Variants in RAD51B observed in about 807,000 individuals in gnomAD.
RAD51B encodes RAD51 paralog B.
RAD51B carries 38 observed loss-of-function variants against 42.2 expected under a neutral mutation model. The observed-to-expected ratio is 0.90, with a 90% CI of 0.70 to 1.18. RAD51B has a LOEUF of 1.18. Among genes scored for constraint, RAD51B ranks in the 50% most tolerant of loss-of-function variants. The probability of loss-of-function intolerance (pLI) is 0.00; values close to 1 mark genes in which losing one functional copy is unlikely to be tolerated. For missense variants in RAD51B, 373 were observed against 400.7 expected, an observed-to-expected ratio of 0.93 and a Z score of 0.59; for synonymous variants, 154 against 145.2, an observed-to-expected ratio of 1.06 and a Z score of -0.43.
chr14:68,159,145 G>A (rs1404918916), intron 7 of RAD51B, among the ~76,000 whole-genome samples: 2 of 151,872 alleles, frequency 1.3e-5, no homozygotes, highest in African/African-American at 2.4e-5. Flanking sequence ...TGATGGGGGT[G>A]TAGATGTAAT....
intron 7 of RAD51B, among the ~76,000 whole-genome samples, chr14:68,171,802 G>A (rs997994537): frequency 5.9e-5 from 9 of 151,842 alleles, no homozygotes; most frequent in African/African-American, 1.7e-4. Context: ...TGCCTCCGGG[G>A]TTCAAGAGAT....
chr14:67,981,234 C>G (rs1220860697), intron 7 of RAD51B, among the ~76,000 whole-genome samples: 1 of 151,968 alleles, frequency 6.6e-6, no homozygotes, highest in Non-Finnish European at 1.5e-5. Context: ...ATATTACTTC[C>G]TTTTCTATAA....
intron 7 of RAD51B, among the ~76,000 whole-genome samples, chr14:68,092,097 T>C (rs2077110810): frequency 6.6e-6 from 1 of 152,236 alleles, no homozygotes; most frequent in South Asian, 2.1e-4. Context: ...TTTTGGTTAC[T>C]GTAGCTTTGT....
At chr14:68,610,841 A>ATG (rs1323864540) in intron 10 of RAD51B, among the ~76,000 whole-genome samples, 212 of 71,222 alleles carry the variant, frequency 3.0e-3, no homozygotes, top group African/African-American at 8.8e-3. Context: ...ATCTGAATGT[A>ATG]TATGTGTGTG....
At chr14:68,282,889 G>A (rs1395435421) in intron 7 of RAD51B, among the ~76,000 whole-genome samples, 2 of 151,920 alleles carry the variant, frequency 1.3e-5, no homozygotes, top group Admixed American at 1.3e-4. Flanking sequence ...GTTTCTCAGA[G>A]GCTGGGGGGG....
At chr14:68,477,604 A>G (rs1566906096) in intron 10 of RAD51B, 44 bp from the exon 11 acceptor site, 5 of 1,292,324 alleles carry the variant, frequency 3.9e-6, no homozygotes, top group South Asian at 1.5e-5. Flanking sequence ...TTTCATAACA[A>G]TTTTTTTTTT....
chr14:68,416,085 T>C (rs2084549646), intron 9 of RAD51B, among the ~76,000 whole-genome samples: 1 of 152,186 alleles, frequency 6.6e-6, no homozygotes, highest in African/African-American at 2.4e-5. Context: ...ACCTAGTAAA[T>C]TGTTGACAGA....
chr14:68,338,989 G>A (rs752495380), intron 8 of RAD51B: 1 of 657,776 alleles, frequency 1.5e-6, no homozygotes, highest in South Asian at 1.5e-5. Context: ...ATGCAGTAAG[G>A]GACCCCCTTT....
At chr14:68,490,801 AG>A (rs1363465234) in intron 10 of RAD51B, among the ~76,000 whole-genome samples, 5 of 152,118 alleles carry the variant, frequency 3.3e-5, no homozygotes, top group African/African-American at 1.2e-4. Context: ...AAAAGAAGGG[AG>A]GGGCAGGGAG....
intron 10 of RAD51B, among the ~76,000 whole-genome samples, chr14:68,628,183 C>A (rs998192024): frequency 2.0e-5 from 3 of 152,204 alleles, no homozygotes; most frequent in Admixed American, 2.0e-4. Flanking sequence ...AATTTGGGTT[C>A]TCAAGTGGTG....
At chr14:68,437,332 C>A (rs76390695) in intron 9 of RAD51B, among the ~76,000 whole-genome samples, 9,521 of 152,182 alleles carry the variant, frequency 0.063, 412 homozygotes, top group Non-Finnish European at 0.092. Flanking sequence ...ATATGTTGAA[C>A]CAACCTTGCA....
chr14:68,181,215 A>G (rs1405447438), intron 7 of RAD51B, among the ~76,000 whole-genome samples: 1 of 152,182 alleles, frequency 6.6e-6, no homozygotes, highest in Non-Finnish European at 1.5e-5. Context: ...GAGCAGTGGG[A>G]TTTATCCAGT....
At chr14:68,382,849 C>T (rs1236881664) in intron 8 of RAD51B, among the ~76,000 whole-genome samples, 3 of 152,100 alleles carry the variant, frequency 2.0e-5, no homozygotes, top group Middle Eastern at 3.2e-3. Context: ...GGACTCTTAG[C>T]GACAAGTGAA....
In RAD51B at chr14:67,879,086, A is replaced by G. The variant is rs542025861; in HGVS notation, c.453-6783A>G. ...GAACCAGTAGAACATATATTAAGAGAGTTATTGCAAAGAATTGGCATATGC... is the reference window on the plus strand; with the variant it reads ...GAACCAGTAGAACATATATTAAGAGGGTTATTGCAAAGAATTGGCATATGC... On this transcript the variant is annotated intron_variant, in intron 5 of 10. Coordinates refer to ENST00000471583, the MANE Select transcript of RAD51B (RefSeq NM_133510.4). 6.6e-5 allele frequency among the ~76,000 whole-genome samples: 10 copies of G among 152,300 alleles called. No homozygotes were observed. In the South Asian group the frequency reaches 2.1e-3, roughly 32 times the overall value.
At chr14:68,214,543 A>G (rs1354945904) in intron 7 of RAD51B, among the ~76,000 whole-genome samples, 5 of 152,216 alleles carry the variant, frequency 3.3e-5, no homozygotes, top group Admixed American at 6.5e-5. Flanking sequence ...ACACGCATAA[A>G]TAAAAAAACT....
Position 68,641,864 on chromosome 14 carries a change from AT to A in RAD51B, c.1037-8903del, listed in dbSNP as rs34111115. On this transcript the variant is annotated intron_variant, in intron 10 of 11. Coordinates refer to the RAD51B transcript ENST00000488612. ...GTGTGAGCCACCATGCCTGGCTGGG[AT>A]TTTTTTTTTTTTTAGCCCATTGATG... 2.9e-3 allele frequency among the ~76,000 whole-genome samples: 423 copies of A among 146,212 alleles called. 1 individual carries two copies. Among genetic ancestry groups the A allele is most frequent in the African/African-American group, 6.5e-3 (258 of 39,632 alleles).
intron 5 of RAD51B, among the ~76,000 whole-genome samples, chr14:67,879,235 C>T (rs1045463448): frequency 6.6e-6 from 1 of 152,212 alleles, no homozygotes; most frequent in Admixed American, 6.5e-5. Context: ...AGTCTCAGCT[C>T]TGCTGTTAAG....
intron 7 of RAD51B, among the ~76,000 whole-genome samples, chr14:68,169,952 A>T (rs939936844): frequency 3.9e-5 from 6 of 152,218 alleles, no homozygotes; most frequent in Non-Finnish European, 7.3e-5. Flanking sequence ...ATAGCAAAGA[A>T]TACTGTTCTA....
intron 9 of RAD51B, among the ~76,000 whole-genome samples, chr14:68,425,787 G>A (rs2084816691): frequency 6.6e-6 from 1 of 152,132 alleles, no homozygotes; most frequent in Non-Finnish European, 1.5e-5. Context: ...ATCTGGAGTA[G>A]CAGGCTAACA....
Sources: gnomAD v4.1 joint callset for allele counts (sites outside exome capture counted in the v4.1 genomes callset) on GRCh38, gnomAD v4.1.1 for gene constraint, MANE v1.5 for transcripts, NCBI Gene and HGNC (gene_info 2026-07-23, HGNC 2026-07-21) for gene names.